Variants in ITGBL1 observed in about 807,000 individuals in gnomAD.
ITGBL1 encodes integrin beta-like protein 1.
Under a neutral mutation model 68.5 loss-of-function variants are expected in ITGBL1, and 51 were observed. That is an observed-to-expected ratio of 0.74 (90% confidence interval 0.59 to 0.94). The LOEUF is 0.94. ITGBL1 is among the 40% of genes least tolerant of loss of function. ITGBL1 has a pLI of 0.00. For missense variants in ITGBL1, 649 were observed against 647.4 expected, an observed-to-expected ratio of 1.00 and a Z score of -0.03; for synonymous variants, 209 against 227.3, an observed-to-expected ratio of 0.92 and a Z score of 0.72.
In ITGBL1 at chr13:101,706,798, G is replaced by C. The variant is rs746093852; in HGVS notation, c.1175G>C (p.Gly392Ala). ...CSCGRCVCER[G>A]WFGKLCQHPR... is the part of the protein sequence containing the mutation. ...TGTGGTCGCTGTGTTTGTGAGAGAG[G>C]ATGGTTTGGAAAGCTCTGCCAACAT... The change falls in exon 9 of 11, where the codon GGA becomes GCA. Residue 392 changes from glycine to alanine, a missense_variant. Physicochemically the swap from Gly to Ala is moderately conservative, Grantham distance 60. Transcript: ENST00000376180. The C allele has an allele frequency of 6.2e-6, 10 of 1,614,090 alleles. No individual in the cohort carries two copies. In the South Asian group the frequency reaches 1.1e-4, roughly 18 times the overall value.
chr13:101,462,367 G>A (rs1198472515), intron 2 of ITGBL1, among the ~76,000 whole-genome samples: 1 of 152,184 alleles, frequency 6.6e-6, no homozygotes, highest in African/African-American at 2.4e-5. Context: ...GGTTTCAGGA[G>A]CAAGGGTATG....
intron 5 of ITGBL1, among the ~76,000 whole-genome samples, chr13:101,582,426 TATGTCTCTATCAA>T (rs1028553658): frequency 1.1e-4 from 16 of 152,188 alleles, no homozygotes; most frequent in Non-Finnish European, 8.8e-5. Context: ...GATTTAACTT[TATGTCTCTATCAA>T]ATGATTAGCT....
intron 7 of ITGBL1, among the ~76,000 whole-genome samples, chr13:101,678,059 A>G (rs1273888842): frequency 1.3e-5 from 2 of 152,226 alleles, no homozygotes; most frequent in Non-Finnish European, 2.9e-5. Flanking sequence ...TAAATTATAA[A>G]CTATTTTTAT....
chr13:101,589,527 G>C (rs1467397285), intron 6 of ITGBL1, among the ~76,000 whole-genome samples: 1 of 152,116 alleles, frequency 6.6e-6, no homozygotes, highest in Non-Finnish European at 1.5e-5. Context: ...TCAAATCCTG[G>C]TGGTAAAGCA....
intron 7 of ITGBL1, among the ~76,000 whole-genome samples, chr13:101,634,104 C>T (rs534042864): frequency 1.2e-4 from 19 of 152,244 alleles, no homozygotes; most frequent in Non-Finnish European, 2.1e-4. Flanking sequence ...CAATTATAGA[C>T]AATAGCAGAA....
chr13:101,562,843 T>C (rs1264918429), intron 2 of ITGBL1, among the ~76,000 whole-genome samples: 2 of 151,818 alleles, frequency 1.3e-5, no homozygotes, highest in Non-Finnish European at 3.0e-5. Context: ...CAGCAGAAGA[T>C]ACATTATTTT....
intron 2 of ITGBL1, among the ~76,000 whole-genome samples, chr13:101,564,954 C>G (rs1255741583): frequency 6.6e-6 from 1 of 151,984 alleles, no homozygotes; most frequent in African/African-American, 2.4e-5. Context: ...CAGAGTTACA[C>G]TGCCACAAGC....
intron 7 of ITGBL1, among the ~76,000 whole-genome samples, chr13:101,671,600 G>T (rs1463793280): frequency 1.3e-5 from 2 of 150,498 alleles, no homozygotes; most frequent in Non-Finnish European, 3.0e-5. Flanking sequence ...CACCACGCCC[G>T]GCTAATTTTT....
chr13:101,495,009 A>G (rs1253949098), intron 2 of ITGBL1, among the ~76,000 whole-genome samples: 4 of 152,202 alleles, frequency 2.6e-5, no homozygotes, highest in East Asian at 1.9e-4. Flanking sequence ...CACAAGTGCT[A>G]TATTTCTCTA....
chr13:101,587,331 C>T (rs2050573918), intron 6 of ITGBL1, among the ~76,000 whole-genome samples: 2 of 152,126 alleles, frequency 1.3e-5, no homozygotes, highest in Non-Finnish European at 2.9e-5. Context: ...TCATCATCCA[C>T]AAAATATGTG....
intron 2 of ITGBL1, among the ~76,000 whole-genome samples, chr13:101,454,331 C>T (rs2048209375): frequency 6.6e-6 from 1 of 151,872 alleles, no homozygotes; most frequent in Non-Finnish European, 1.5e-5. Context: ...AATTCATTCA[C>T]TTAATTATAT....
At chr13:101,666,070 A>G (rs1378076821) in intron 7 of ITGBL1, among the ~76,000 whole-genome samples, 1 of 152,048 alleles carries the variant, frequency 6.6e-6, no homozygotes, top group Non-Finnish European at 1.5e-5. Flanking sequence ...TTACTATGCT[A>G]TGTTATTCCA....
chr13:101,534,547 G>C (rs963196925), intron 2 of ITGBL1, among the ~76,000 whole-genome samples: 1 of 152,138 alleles, frequency 6.6e-6, no homozygotes, highest in Non-Finnish European at 1.5e-5. Flanking sequence ...AAAGACCCTG[G>C]AAAGGGTCAG....
intron 2 of ITGBL1, chr13:101,489,980 T>C (rs1446626969): frequency 6.6e-7 from 1 of 1,504,448 alleles, no homozygotes; most frequent in Non-Finnish European, 8.9e-7. Context: ...TTAGTTGCAG[T>C]GATGGGAGCA....
At chr13:101,507,100 C>T (rs1013827832) in intron 2 of ITGBL1, among the ~76,000 whole-genome samples, 1 of 152,096 alleles carries the variant, frequency 6.6e-6, no homozygotes, top group Non-Finnish European at 1.5e-5. Context: ...TTCTCCACGC[C>T]CCAGTAAAGT....
chr13:101,534,955 G>A (rs941621636), intron 2 of ITGBL1, among the ~76,000 whole-genome samples: 3 of 152,098 alleles, frequency 2.0e-5, no homozygotes, highest in African/African-American at 7.2e-5. Flanking sequence ...AGGAGAGATG[G>A]AGCATTTGTC....
At chr13:101,588,317 A>G (rs2390631) in intron 6 of ITGBL1, among the ~76,000 whole-genome samples, 6 of 38,196 alleles carry the variant, frequency 1.6e-4, no homozygotes, top group African/African-American at 4.5e-4. Context: ...GTGTGTGTGC[A>G]TGTGTGTGTA....
intron 1 of ITGBL1, 49 bp from the exon 2 acceptor site, chr13:101,453,834 G>A: frequency 8.5e-7 from 1 of 1,182,920 alleles, no homozygotes; most frequent in Non-Finnish European, 1.1e-6. Context: ...GGAGCAGGGG[G>A]CGGCGTCCGC....
intron 7 of ITGBL1, among the ~76,000 whole-genome samples, chr13:101,619,432 G>C (rs1304428321): frequency 2.0e-5 from 3 of 152,056 alleles, no homozygotes; most frequent in African/African-American, 7.2e-5. Flanking sequence ...TACTGCCTTT[G>C]AAGATGGAGA....
Sources: gnomAD v4.1 joint callset for allele counts (sites outside exome capture counted in the v4.1 genomes callset) on GRCh38, gnomAD v4.1.1 for gene constraint, MANE v1.5 for transcripts, NCBI Gene and HGNC (gene_info 2026-07-23, HGNC 2026-07-21) for gene names.